Variants in PCDH15 observed in about 807,000 individuals in gnomAD.
PCDH15 encodes protocadherin-15.
A neutral mutation model predicts 178.5 loss-of-function variants in PCDH15; 129 were observed. The observed-to-expected ratio is 0.72, with a 90% confidence interval of 0.63 to 0.84. The LOEUF (loss-of-function observed/expected upper bound fraction) is 0.84, where lower values mean the gene tolerates loss of function less well. Among genes scored for constraint, PCDH15 ranks in the 40% least tolerant of loss-of-function variants. The pLI, the probability that PCDH15 is intolerant of heterozygous loss-of-function variation, is 0.00. For missense variants in PCDH15, 2,230 were observed against 2,099.9 expected (o/e 1.06, Z -1.21); for synonymous variants, 800 against 732.0 (o/e 1.09, Z -1.50).
rs573353091 is a variant in PCDH15 at position 54,328,557 on chromosome 10, T to C, written c.705+1039A>G. Among the ~76,000 whole-genome samples the C allele has an allele frequency of 9.9e-5, 15 of 152,152 alleles. No individual in the cohort carries two copies. In the South Asian group the frequency reaches 1.5e-3, roughly 15 times the overall value. On this transcript the variant is annotated intron_variant, in intron 7 of 37. Transcript: ENST00000644397. Reference sequence around the variant, plus strand: ...TGGACTTCCTCAACCTTCGTTCCTATTATGCTGACACAGGTGATACAAGTC... The same window carrying C: ...TGGACTTCCTCAACCTTCGTTCCTACTATGCTGACACAGGTGATACAAGTC...
In PCDH15 at chr10:53,959,759, A is replaced by G. The variant is rs747488369; in HGVS notation, c.3095T>C (p.Ile1032Thr). The change falls in exon 23 of 38, where the codon ATC (isoleucine) becomes ACC (threonine). Residue 1032 changes from isoleucine (I) to threonine (T), a missense_variant. Ile to Thr is a moderately conservative substitution (Grantham distance 89, BLOSUM62 -1). Coordinates refer to ENST00000644397, the MANE Select transcript of PCDH15 (RefSeq NM_001384140.1). Reference sequence around the variant, plus strand: ...ATATTCCTCCTGTGTGAAGCGTGGGATCTCACCAGGATGTAAGACAAGAAT... The same window carrying G: ...ATATTCCTCCTGTGTGAAGCGTGGGGTCTCACCAGGATGTAAGACAAGAAT... ...VKILVLHPGE[I>T]PRFTQEEYRP... 1 of 1,613,488 alleles carries G rather than the reference A, an allele frequency of 6.2e-7. No individual in the cohort carries two copies. Among genetic ancestry groups the G allele is most frequent in the South Asian group, 1.1e-5 (1 of 91,066 alleles).
chr10:54,910,370 G>A (rs539121176), intron 2 of PCDH15, among the ~76,000 whole-genome samples: 107 of 152,220 alleles, frequency 7.0e-4, no homozygotes, highest in Admixed American at 1.5e-3. Flanking sequence ...AAGATAAACC[G>A]GAATTACAAG....
At chr10:54,815,152 TTTTATA>T (rs1952928653) in intron 3 of PCDH15, among the ~76,000 whole-genome samples, 2 of 151,956 alleles carry the variant, frequency 1.3e-5, no homozygotes, top group African/African-American at 4.8e-5. Flanking sequence ...TGGTTTTTTT[TTTTATA>T]TTTGTGACAA....
At chr10:54,481,198 G>T (rs954884772) in intron 3 of PCDH15, among the ~76,000 whole-genome samples, 3 of 151,650 alleles carry the variant, frequency 2.0e-5, no homozygotes, top group Admixed American at 6.6e-5. Context: ...ATTTATATTA[G>T]CCTAAATACA....
chr10:54,964,708 A>G (rs1258441373), intron 2 of PCDH15, among the ~76,000 whole-genome samples: 2 of 152,164 alleles, frequency 1.3e-5, no homozygotes, highest in Non-Finnish European at 1.5e-5. Flanking sequence ...TTTGCAAGGG[A>G]ACTCTAGGAA....
In PCDH15 at chr10:55,531,861, T is replaced by A. The variant is rs1222777485; in HGVS notation, c.-156+95764A>T. Among the ~76,000 whole-genome samples the A allele has an allele frequency of 8.6e-5, 13 of 152,044 alleles. No homozygotes were observed. The Admixed American group carries it at 8.6e-4, about 10-fold the overall frequency. On this transcript the variant is annotated intron_variant, in intron 2 of 5. Transcript: ENST00000613346. ...GATAGCATGTCATAAAGTGTTTATA[T>A]AGAGACCTGTGTAAGAGATCCCTTA...
At chr10:55,612,438 A>G (rs1485853802) in intron 2 of PCDH15, among the ~76,000 whole-genome samples, 1 of 152,126 alleles carries the variant, frequency 6.6e-6, no homozygotes, top group African/African-American at 2.4e-5. Flanking sequence ...AGAATACGTC[A>G]TAAGAAGACA....
At chr10:54,434,712 T>C (rs1354172856) in intron 3 of PCDH15, among the ~76,000 whole-genome samples, 2 of 152,216 alleles carry the variant, frequency 1.3e-5, no homozygotes, top group Non-Finnish European at 2.9e-5. Flanking sequence ...ATCAGACCAC[T>C]TTACTTATCC....
chr10:54,616,949 A>G lies in PCDH15; in HGVS notation c.91+47223T>C, dbSNP rs190717104. ...AAATACTTGTTTAAATTCAGCATAA[A>G]AAAGAAAACCTAGTTCATAAGTGAT... On this transcript the variant is annotated intron_variant, in intron 2 of 37. Coordinates refer to ENST00000644397, the MANE Select transcript of PCDH15 (RefSeq NM_001384140.1). 2.9e-4 allele frequency among the ~76,000 whole-genome samples: 44 copies of G among 152,288 alleles called. No homozygotes were observed. The East Asian group carries it at 7.5e-3, about 26-fold the overall frequency.
chr10:55,187,445 G>A (rs1013733051), intron 1 of PCDH15, among the ~76,000 whole-genome samples: 7 of 151,892 alleles, frequency 4.6e-5, no homozygotes, highest in Non-Finnish European at 1.0e-4. Flanking sequence ...GTGAATATGT[G>A]GTGATAGAAT....
rs532023012 is a variant in PCDH15 at position 55,460,210 on chromosome 10, T to A, written c.-156+167415A>T. Among the ~76,000 whole-genome samples the A allele has an allele frequency of 3.3e-5, 5 of 151,794 alleles. No individual in the cohort carries two copies. In the South Asian group the frequency reaches 1.0e-3, roughly 31 times the overall value. On this transcript the variant is annotated intron_variant, in intron 2 of 5. Coordinates refer to the PCDH15 transcript ENST00000613346. ...GAATATTATTAATATTATTTTAATA[T>A]CTTATTAGTGGGTATTATATTTCAT...
intron 1 of PCDH15, among the ~76,000 whole-genome samples, chr10:54,771,898 A>G (rs892012181): frequency 6.6e-6 from 1 of 152,170 alleles, no homozygotes; most frequent in African/African-American, 2.4e-5. Flanking sequence ...ATGTAAATTC[A>G]GGCAAACTCA....
At chr10:55,598,524 A>G (rs1377848730) in intron 2 of PCDH15, among the ~76,000 whole-genome samples, 3 of 22,340 alleles carry the variant, frequency 1.3e-4, no homozygotes, top group African/African-American at 7.2e-4. Context: ...ATATATATAT[A>G]TATATATATA....
intron 3 of PCDH15, among the ~76,000 whole-genome samples, chr10:54,854,600 C>T (rs1190065051): frequency 6.6e-6 from 1 of 152,126 alleles, no homozygotes; most frequent in African/African-American, 2.4e-5. Context: ...TGGACAGCTC[C>T]TCTCTGCAGC....
At chr10:54,320,741 C>T in intron 7 of PCDH15, among the ~76,000 whole-genome samples, 1 of 151,828 alleles carries the variant, frequency 6.6e-6, no homozygotes, top group East Asian at 1.9e-4. Flanking sequence ...GGGGCAGATT[C>T]CAATACACTG....
intron 2 of PCDH15, among the ~76,000 whole-genome samples, chr10:54,909,907 G>A (rs1000816385): frequency 6.6e-6 from 1 of 152,010 alleles, no homozygotes; most frequent in Non-Finnish European, 1.5e-5. Flanking sequence ...CAGGGAGGTG[G>A]TCTCCAGGGG....
chr10:55,348,596 A>G (rs1221475408), intron 2 of PCDH15, among the ~76,000 whole-genome samples: 1 of 152,158 alleles, frequency 6.6e-6, no homozygotes, highest in East Asian at 1.9e-4. Context: ...TAAAATTTAG[A>G]AAGTTGTATT....
At chr10:55,530,385 T>C (rs1199690549) in intron 2 of PCDH15, among the ~76,000 whole-genome samples, 1 of 151,952 alleles carries the variant, frequency 6.6e-6, no homozygotes, top group African/African-American at 2.4e-5. Context: ...CATATACTCT[T>C]GTATATGTGA....
At chr10:55,072,010 C>T (rs1217665387) in intron 2 of PCDH15, among the ~76,000 whole-genome samples, 2 of 151,940 alleles carry the variant, frequency 1.3e-5, no homozygotes, top group Admixed American at 6.6e-5. Flanking sequence ...GGGTACCTAA[C>T]GAAATGAAGG....
Sources: gnomAD v4.1 joint callset for allele counts (sites outside exome capture counted in the v4.1 genomes callset) on GRCh38, gnomAD v4.1.1 for gene constraint, MANE v1.5 for transcripts, NCBI Gene and HGNC (gene_info 2026-07-23, HGNC 2026-07-21) for gene names.